SHC3: variants seen among roughly 807,000 people sequenced by gnomAD.
SHC3 encodes SHC adaptor protein 3, also known as SHC-transforming protein 3.
In SHC3, 15 loss-of-function variants were observed where a neutral mutation model predicts 60.4. The ratio of observed to expected loss-of-function variants is 0.25; its 90% confidence interval spans 0.17 to 0.38. The LOEUF (loss-of-function observed/expected upper bound fraction) is 0.38. Among genes scored for constraint, SHC3 ranks in the 10% least tolerant of loss-of-function variants. The pLI, the probability that SHC3 is intolerant of heterozygous loss-of-function variation, is 1.00. For synonymous variants in SHC3, 294 were observed against 325.9 expected, an observed-to-expected ratio of 0.90 and a Z score of 1.05; for missense variants, 677 against 786.1, an observed-to-expected ratio of 0.86 and a Z score of 1.66.
At position 89,045,715 on chromosome 9, in the gene SHC3, T is replaced by C. The variant is rs193286157; in HGVS notation, c.1201+31A>G. 8.8e-5 allele frequency: 142 copies of C among 1,605,568 alleles called. No homozygotes were observed. The East Asian group carries it at 3.0e-3, about 34-fold the overall frequency. On this transcript the variant is annotated intron_variant, in intron 9 of 11. Transcript: ENST00000375835. ...TGTTACTTTTGAAAAGTGTCTTTTG[T>C]GTTTCTCACCCATCTCACCTTGCCT... is the stretch of plus-strand genomic sequence containing the variant.
rs949066598 is a variant in SHC3 at position 89,014,312 on chromosome 9, G to A, written c.1657-737C>T. Among the ~76,000 whole-genome samples, 9 of 152,136 alleles carry A rather than the reference G, an allele frequency of 5.9e-5. No individual in the cohort carries two copies. In the South Asian group the frequency reaches 6.2e-4, roughly 11 times the overall value. On this transcript the variant is annotated intron_variant, in intron 11 of 11. Coordinates refer to ENST00000375835, the MANE Select transcript of SHC3 (RefSeq NM_016848.6). ...CTGTGGTCCCTGGGGTCCATCAGCC[G>A]CCTCCACTCTGAGCCGGCACATTCA...
In SHC3 at chr9:89,066,053, G is replaced by A. The variant is rs151243000; in HGVS notation, c.784-473C>T. Among the ~76,000 whole-genome samples, 84 of 152,266 alleles carry A rather than the reference G, an allele frequency of 5.5e-4. No homozygotes were observed. The East Asian group carries it at 5.6e-3, about 10-fold the overall frequency. On this transcript the variant is annotated intron_variant, in intron 5 of 11. Coordinates refer to ENST00000375835, the MANE Select transcript of SHC3 (RefSeq NM_016848.6). The stretch of plus-strand genomic sequence containing the variant: ...TAGATGCTCCCTAGATGACTGTAAC[G>A]TGAACCACATGTTAAGAACCACTGC...
chr9:89,149,635 TAGCTGTACTTTTTACA>T lies in SHC3; in HGVS notation c.474+28336_474+28351del, dbSNP rs531731865. On this transcript the variant is annotated intron_variant, in intron 1 of 11. Coordinates refer to ENST00000375835, the MANE Select transcript of SHC3 (RefSeq NM_016848.6). ...TACCTCTGGTTCATTTTATTTAATA[TAGCTGTACTTTTTACA>T]AGTATTTTATATTGAGGTATAATTC... Among the ~76,000 whole-genome samples the T allele has an allele frequency of 1.6e-4, 24 of 152,334 alleles. No homozygotes were observed. The South Asian group carries it at 5.0e-3, about 32-fold the overall frequency.
In SHC3 at chr9:89,060,868, G is replaced by C. The variant is rs536977606; in HGVS notation, c.835+4661C>G. Reference sequence around the variant, plus strand: ...ATGGAAGGCTTTGCCGGCAGGTGCAGGTGAAGGAAAGAAGGCAGAGAACTG... The same window carrying C: ...ATGGAAGGCTTTGCCGGCAGGTGCACGTGAAGGAAAGAAGGCAGAGAACTG... On this transcript the variant is annotated intron_variant, in intron 6 of 11. Transcript: ENST00000375835. Among the ~76,000 whole-genome samples, 559 of 152,248 alleles carry C rather than the reference G, an allele frequency of 3.7e-3. 5 individuals carry two copies. The highest frequency in any genetic ancestry group is 0.013 in the African/African-American group (534 of 41,520).
At chr9:89,146,988 T>C (rs576428451) in intron 1 of SHC3, among the ~76,000 whole-genome samples, 1 of 152,084 alleles carries the variant, frequency 6.6e-6, no homozygotes, top group Non-Finnish European at 1.5e-5. Flanking sequence ...AACAAATGTA[T>C]AAAAATATTC....
intron 11 of SHC3, among the ~76,000 whole-genome samples, chr9:89,015,066 G>T (rs1422132679): frequency 6.6e-6 from 1 of 152,196 alleles, no homozygotes; most frequent in Admixed American, 6.5e-5. Context: ...TGTTGGGCAA[G>T]TTCAAAAGGA....
chr9:89,101,022 A>C (rs1825775412), intron 2 of SHC3, among the ~76,000 whole-genome samples: 1 of 152,176 alleles, frequency 6.6e-6, no homozygotes. Context: ...TGACATTTTA[A>C]CAATACTGAG....
At chr9:89,131,696 C>T (rs137917691) in intron 1 of SHC3, among the ~76,000 whole-genome samples, 220 of 152,208 alleles carry the variant, frequency 1.4e-3, no homozygotes, top group African/African-American at 5.0e-3. Flanking sequence ...AGGCTTTCAA[C>T]AAAATTCAAC....
chr9:89,072,540 C>T (rs1043425626), intron 4 of SHC3, among the ~76,000 whole-genome samples: 6 of 151,984 alleles, frequency 3.9e-5, no homozygotes, highest in African/African-American at 1.4e-4. Context: ...GCAGACAATC[C>T]ATGTTAATTT....
intron 7 of SHC3, among the ~76,000 whole-genome samples, chr9:89,048,415 C>A (rs1320532966): frequency 6.6e-6 from 1 of 151,992 alleles, no homozygotes; most frequent in Non-Finnish European, 1.5e-5. Flanking sequence ...GTGAAAGAAG[C>A]CAGATACATA....
At chr9:89,077,806 G>A (rs1476053644) in intron 3 of SHC3, 34 bp downstream of exon 3, 3 of 1,612,366 alleles carry the variant, frequency 1.9e-6, no homozygotes, top group Middle Eastern at 1.6e-4. Context: ...AAGTAGAGGA[G>A]ACACAGTTAG....
chr9:89,133,063 G>GA (rs919144079), intron 1 of SHC3, among the ~76,000 whole-genome samples: 2 of 152,038 alleles, frequency 1.3e-5, no homozygotes, highest in South Asian at 2.1e-4. Context: ...AAATTTACAA[G>GA]AAAAAAATCA....
At chr9:89,033,618 C>T (rs561095919) in intron 11 of SHC3, among the ~76,000 whole-genome samples, 1 of 152,216 alleles carries the variant, frequency 6.6e-6, no homozygotes, top group Admixed American at 6.5e-5. Context: ...TTGTTGAATA[C>T]TGCTATGTGC....
At chr9:89,078,047 AT>A in intron 2 of SHC3, 144 bp from the exon 3 acceptor site, 1 of 889,182 alleles carries the variant, frequency 1.1e-6, no homozygotes, top group Non-Finnish European at 1.7e-6. Context: ...GAGTCATCCG[AT>A]TCTTCTTCTA....
intron 7 of SHC3, among the ~76,000 whole-genome samples, chr9:89,047,602 T>C (rs1824794742): frequency 1.3e-5 from 2 of 152,180 alleles, no homozygotes. Context: ...CAGACTTTTC[T>C]CCAGAGATAC....
rs531314313 is a variant in SHC3 at position 89,046,883 on chromosome 9, A to G, written c.1074T>C (p.Thr358=). 2 of 1,610,370 alleles carry G rather than the reference A, an allele frequency of 1.2e-6. No homozygotes were observed. Among genetic ancestry groups the G allele is most frequent in the South Asian group, 1.1e-5 (1 of 89,838 alleles). ...KMPPPGGFLD[T]RLKPRPHAPD... is the part of the protein sequence containing the mutation. ...GAGCATGGGGTCTGGGTTTCAGTCT[A>G]GTATCAAGAAAGCCCCCTGGAGGAG... The change falls in exon 8 of 12, where the codon ACT becomes ACC. Residue 358 remains threonine (T), a synonymous_variant. Coordinates refer to ENST00000375835, the MANE Select transcript of SHC3 (RefSeq NM_016848.6).
At chr9:89,125,190 A>T (rs566934308) in intron 1 of SHC3, among the ~76,000 whole-genome samples, 172 of 152,236 alleles carry the variant, frequency 1.1e-3, no homozygotes, top group African/African-American at 4.0e-3. Context: ...TTAAGAACAC[A>T]AACCCCAAAC....
intron 6 of SHC3, among the ~76,000 whole-genome samples, chr9:89,059,223 G>C (rs892414852): frequency 1.3e-5 from 2 of 150,076 alleles, no homozygotes; most frequent in Non-Finnish European, 3.0e-5. Context: ...GGAGGATGGT[G>C]GTGGAGGATG....
intron 1 of SHC3, among the ~76,000 whole-genome samples, chr9:89,135,158 G>A (rs1826300509): frequency 6.6e-6 from 1 of 152,038 alleles, no homozygotes; most frequent in Admixed American, 6.6e-5. Flanking sequence ...ATTTTACCAA[G>A]GCTTTGACTC....
Sources: gnomAD v4.1 joint callset for allele counts (sites outside exome capture counted in the v4.1 genomes callset) on GRCh38, gnomAD v4.1.1 for gene constraint, MANE v1.5 for transcripts, NCBI Gene and HGNC (gene_info 2026-07-23, HGNC 2026-07-21) for gene names.